SPAG16: variants seen among roughly 807,000 people sequenced by gnomAD.
The protein encoded by SPAG16 is sperm-associated antigen 16 protein.
In SPAG16, 86 loss-of-function variants were observed where a neutral mutation model predicts 80.4. The observed-to-expected ratio is 1.07, with a 90% CI of 0.90 to 1.28. The LOEUF (loss-of-function observed/expected upper bound fraction) is 1.28. Among genes scored for constraint, SPAG16 ranks in the 50% most tolerant of loss-of-function variants. The pLI is 0.00. For synonymous variants in SPAG16, 294 were observed against 265.9 expected, an observed-to-expected ratio of 1.11 and a Z score of -1.03; for missense variants, 870 against 765.3, an observed-to-expected ratio of 1.14 and a Z score of -1.61.
intron 10 of SPAG16, among the ~76,000 whole-genome samples, chr2:213,772,314 C>G (rs143700488): frequency 5.9e-5 from 9 of 152,118 alleles, no homozygotes; most frequent in African/African-American, 2.2e-4. Context: ...CCACCCTCAA[C>G]ATGCCAGATC....
intron 14 of SPAG16, among the ~76,000 whole-genome samples, chr2:214,110,127 T>C (rs1172655658): frequency 1.3e-5 from 2 of 152,158 alleles, no homozygotes; most frequent in Non-Finnish European, 2.9e-5. Context: ...AGGTGTCCAA[T>C]ATCAAAGTAG....
intron 3 of SPAG16, among the ~76,000 whole-genome samples, chr2:213,305,008 C>G (rs1286758341): frequency 6.6e-6 from 1 of 152,116 alleles, no homozygotes. Context: ...AATCCATGAA[C>G]ATGGACTATC....
At chr2:214,049,952 C>G (rs2049551509) in intron 13 of SPAG16, among the ~76,000 whole-genome samples, 2 of 152,138 alleles carry the variant, frequency 1.3e-5, no homozygotes, top group Admixed American at 1.3e-4. Flanking sequence ...GAAATAGTTT[C>G]TGGAAAAGAA....
chr2:214,085,655 G>C (rs1000074047), intron 13 of SPAG16, among the ~76,000 whole-genome samples: 4 of 152,010 alleles, frequency 2.6e-5, no homozygotes, highest in African/African-American at 7.3e-5. Context: ...TTCTGGTTTA[G>C]TAGCTCATTA....
intron 15 of SPAG16, among the ~76,000 whole-genome samples, chr2:214,372,806 C>G (rs1034320949): frequency 6.6e-6 from 1 of 152,152 alleles, no homozygotes; most frequent in African/African-American, 2.4e-5. Context: ...CCAACTCTTC[C>G]TCTGCTATCA....
Position 213,306,125 on chromosome 2 carries a change from G to A in SPAG16, c.280-3934G>A, listed in dbSNP as rs190509826. ...TCTAGGCTTTCCAATTTACTGGCAC[G>A]TAGTTGCTCATTGTAGCCTCCAATG... On this transcript the variant is annotated intron_variant, in intron 3 of 15. Coordinates refer to ENST00000331683, the MANE Select transcript of SPAG16 (RefSeq NM_024532.5). Among the ~76,000 whole-genome samples the A allele has an allele frequency of 1.7e-4, 26 of 151,924 alleles. No homozygotes were observed. The East Asian group carries it at 3.7e-3, about 22-fold the overall frequency.
chr2:214,219,504 A>G (rs980601635), intron 15 of SPAG16, among the ~76,000 whole-genome samples: 4 of 152,146 alleles, frequency 2.6e-5, no homozygotes, highest in Non-Finnish European at 4.4e-5. Flanking sequence ...TTTGCCTCAC[A>G]TATATAAAGT....
At chr2:213,361,293 A>G (rs540909749) in intron 7 of SPAG16, among the ~76,000 whole-genome samples, 1 of 151,976 alleles carries the variant, frequency 6.6e-6, no homozygotes, top group Non-Finnish European at 1.5e-5. Context: ...ATTGATTTGT[A>G]GGTATCTATG....
intron 15 of SPAG16, among the ~76,000 whole-genome samples, chr2:214,226,660 TC>T (rs1040077916): frequency 2.0e-5 from 3 of 151,044 alleles, no homozygotes; most frequent in Non-Finnish European, 4.4e-5. Flanking sequence ...TTCCAAATAC[TC>T]CCCCCAAAGC....
At chr2:213,558,398 T>A (rs2059495940) in intron 10 of SPAG16, among the ~76,000 whole-genome samples, 1 of 152,052 alleles carries the variant, frequency 6.6e-6, no homozygotes, top group Non-Finnish European at 1.5e-5. Context: ...TATTATTAAA[T>A]GCTTATAATA....
intron 10 of SPAG16, among the ~76,000 whole-genome samples, chr2:213,611,874 C>T (rs1168104655): frequency 6.6e-6 from 1 of 152,106 alleles, no homozygotes; most frequent in Non-Finnish European, 1.5e-5. Flanking sequence ...TAGCCATTTT[C>T]CCTATGGCGC....
At chr2:213,927,782 C>T (rs2078552358) in intron 11 of SPAG16, among the ~76,000 whole-genome samples, 1 of 152,030 alleles carries the variant, frequency 6.6e-6, no homozygotes, top group Admixed American at 6.6e-5. Context: ...TTTTCAGCCA[C>T]AGGCAGAAAC....
At chr2:214,065,601 C>A (rs1355675769) in intron 13 of SPAG16, among the ~76,000 whole-genome samples, 1 of 152,106 alleles carries the variant, frequency 6.6e-6, no homozygotes, top group Non-Finnish European at 1.5e-5. Flanking sequence ...ACAAATAAAG[C>A]TGGAAAGTGT....
chr2:213,678,220 A>G, intron 10 of SPAG16, among the ~76,000 whole-genome samples: 1 of 152,198 alleles, frequency 6.6e-6, no homozygotes, highest in Admixed American at 6.5e-5. Flanking sequence ...TAGAAAAGCA[A>G]GAGCAAACAC....
chr2:213,608,136 G>C (rs1228362146), intron 10 of SPAG16, among the ~76,000 whole-genome samples: 1 of 151,966 alleles, frequency 6.6e-6, no homozygotes, highest in Admixed American at 6.6e-5. Flanking sequence ...CAGGGAGGTG[G>C]TGTTCACAAC....
rs558208989 is a variant in SPAG16 at position 213,519,301 on chromosome 2, A to G, written c.1070+29211A>G. On this transcript the variant is annotated intron_variant, in intron 10 of 15. Coordinates refer to ENST00000331683, the MANE Select transcript of SPAG16 (RefSeq NM_024532.5). ...ATTTTATCCTTCACCTGTTGATATG[A>G]TTTGGCTTGGTGTCCCCACCCAAAT... 9.2e-5 allele frequency among the ~76,000 whole-genome samples: 14 copies of G among 152,312 alleles called. No individual in the cohort carries two copies. In the East Asian group the frequency reaches 1.7e-3, roughly 19 times the overall value.
At position 214,034,649 on chromosome 2, in the gene SPAG16, C is replaced by T. The variant is rs372897030; in HGVS notation, c.1527+20572C>T. ...AGGCACTGACACAGGTGCTGGCTCCCTGTGAGGCTGCAGCCAGACCAGACA... is the reference window on the plus strand; with the variant it reads ...AGGCACTGACACAGGTGCTGGCTCCTTGTGAGGCTGCAGCCAGACCAGACA... On this transcript the variant is annotated intron_variant, in intron 13 of 15. Transcript: ENST00000331683. Among the ~76,000 whole-genome samples, 34 of 152,340 alleles carry T rather than the reference C, an allele frequency of 2.2e-4. No homozygotes were observed. In the East Asian group the frequency reaches 2.9e-3, roughly 13 times the overall value.
intron 10 of SPAG16, among the ~76,000 whole-genome samples, chr2:213,713,739 A>G (rs2066108747): frequency 6.6e-6 from 1 of 152,180 alleles, no homozygotes; most frequent in Non-Finnish European, 1.5e-5. Context: ...GACAAACTGG[A>G]AGATAGAAGG....
At chr2:213,667,244 ATAAT>A (rs2063641427) in intron 10 of SPAG16, among the ~76,000 whole-genome samples, 1 of 152,232 alleles carries the variant, frequency 6.6e-6, no homozygotes, top group Non-Finnish European at 1.5e-5. Flanking sequence ...GTTAAATAAA[ATAAT>A]TAATGCAATG....
Sources: gnomAD v4.1 joint callset for allele counts (sites outside exome capture counted in the v4.1 genomes callset) on GRCh38, gnomAD v4.1.1 for gene constraint, MANE v1.5 for transcripts, NCBI Gene and HGNC (gene_info 2026-07-23, HGNC 2026-07-21) for gene names.